The following DEPTOR variants were observed in gnomAD, a reference collection of about 807,000 sequenced individuals.
DEPTOR encodes DEP domain-containing mTOR-interacting protein.
DEPTOR carries 41 observed loss-of-function variants against 41.6 expected under a neutral mutation model. The ratio of observed to expected loss-of-function variants is 0.98; its 90% confidence interval spans 0.77 to 1.28. The LOEUF (loss-of-function observed/expected upper bound fraction) is 1.28, where lower values mean the gene tolerates loss of function less well. Ranked by LOEUF, DEPTOR falls within the 50% of genes most tolerant of loss-of-function variation. DEPTOR has a pLI of 0.00. For synonymous variants in DEPTOR, 195 were observed against 192.3 expected, an observed-to-expected ratio of 1.01 and a Z score of -0.12; for missense variants, 514 against 527.9, an observed-to-expected ratio of 0.97 and a Z score of 0.26.
chr8:119,965,043 A>C (rs1828539127), intron 3 of DEPTOR, among the ~76,000 whole-genome samples, 189 bp from the exon 4 acceptor site: 1 of 152,168 alleles, frequency 6.6e-6, no homozygotes, highest in Non-Finnish European at 1.5e-5. Flanking sequence ...ATTGCACTCC[A>C]GCCTGGGCAA....
intron 8 of DEPTOR, among the ~76,000 whole-genome samples, chr8:120,022,396 A>G (rs567442472): frequency 3.3e-5 from 5 of 152,244 alleles, no homozygotes; most frequent in African/African-American, 9.6e-5. Context: ...AAGCAGATAC[A>G]TGGAAATTTT....
At chr8:119,955,436 G>T (rs1453566220) in intron 3 of DEPTOR, among the ~76,000 whole-genome samples, 3 of 151,530 alleles carry the variant, frequency 2.0e-5, no homozygotes, top group African/African-American at 7.3e-5. Flanking sequence ...TTAATGTTTA[G>T]TTCCATAATC....
At chr8:119,924,743 A>G (rs2129835168) in intron 1 of DEPTOR, among the ~76,000 whole-genome samples, 1 of 151,574 alleles carries the variant, frequency 6.6e-6, no homozygotes, top group East Asian at 1.9e-4. Flanking sequence ...TTTCTTTCCA[A>G]CTTTTATTTT....
At chr8:119,933,637 G>A (rs1461434921) in intron 3 of DEPTOR, among the ~76,000 whole-genome samples, 1 of 152,118 alleles carries the variant, frequency 6.6e-6, no homozygotes, top group Non-Finnish European at 1.5e-5. Flanking sequence ...ATGCATTTAA[G>A]TAATTTATAT....
intron 8 of DEPTOR, among the ~76,000 whole-genome samples, chr8:120,027,984 G>C (rs1812824451): frequency 6.6e-6 from 1 of 152,140 alleles, no homozygotes; most frequent in Non-Finnish European, 1.5e-5. Flanking sequence ...GTGGAGCTTA[G>C]AGACAGCCTA....
chr8:119,891,566 C>T (rs868431148), intron 1 of DEPTOR, among the ~76,000 whole-genome samples: 61 of 151,982 alleles, frequency 4.0e-4, no homozygotes, highest in African/African-American at 1.5e-3. Context: ...ACCTCCTCAC[C>T]GTGAGGACGG....
chr8:120,034,699 C>T (rs993564141), intron 8 of DEPTOR, among the ~76,000 whole-genome samples: 1 of 152,060 alleles, frequency 6.6e-6, no homozygotes, highest in Non-Finnish European at 1.5e-5. Flanking sequence ...ATCCACCCAC[C>T]TCAGCCTCCC....
intron 8 of DEPTOR, among the ~76,000 whole-genome samples, chr8:120,033,081 CTTTTTTTTTTTT>C (rs35161313): frequency 1.0e-5 from 1 of 98,982 alleles, no homozygotes; most frequent in African/African-American, 3.9e-5. Context: ...ATATGGAATT[CTTTTTTTTTTTT>C]TTTTTTTTTT....
intron 8 of DEPTOR, among the ~76,000 whole-genome samples, chr8:120,029,858 A>G (rs1192528109): frequency 6.6e-6 from 1 of 152,072 alleles, no homozygotes; most frequent in African/African-American, 2.4e-5. Flanking sequence ...TACTCTTGGG[A>G]TGGAGAGAGT....
chr8:119,873,796 CA>C lies in DEPTOR; in HGVS notation c.-48del, dbSNP rs772521874. 8.7e-6 allele frequency: 14 copies of C among 1,604,220 alleles called. No individual in the cohort carries two copies. Among genetic ancestry groups the C allele is most frequent in the Admixed American group, 6.8e-5 (4 of 59,108 alleles). On this transcript the variant is annotated 5_prime_UTR_variant, in exon 1 of 9. Transcript: ENST00000286234. ...GTGAGGGCAGACTGATCCGAGCACC[CA>C]AACCCTCGGCGGACAGCGGAGCCAG...
At chr8:119,877,631 G>A (rs1005762108) in intron 1 of DEPTOR, among the ~76,000 whole-genome samples, 1 of 152,190 alleles carries the variant, frequency 6.6e-6, no homozygotes, top group African/African-American at 2.4e-5. Context: ...CAAGGACTGG[G>A]ATTTGAAATA....
chr8:119,881,223 G>A (rs940319976), intron 1 of DEPTOR, among the ~76,000 whole-genome samples: 2 of 152,106 alleles, frequency 1.3e-5, no homozygotes, highest in African/African-American at 4.8e-5. Context: ...GCAGTTTTCA[G>A]AAAAAAGGTA....
At chr8:119,956,261 G>T (rs76457683) in intron 3 of DEPTOR, among the ~76,000 whole-genome samples, 2,217 of 152,258 alleles carry the variant, frequency 0.015, 57 homozygotes, top group African/African-American at 0.051. Context: ...AAAATCCCAC[G>T]AAAGGCGTGG....
chr8:119,993,272 G>C (rs2130058139), intron 4 of DEPTOR, among the ~76,000 whole-genome samples: 1 of 152,300 alleles, frequency 6.6e-6, no homozygotes, highest in African/African-American at 2.4e-5. Context: ...TGACCAAATA[G>C]TGAATTGAGT....
At chr8:119,917,400 T>C (rs963307358) in intron 1 of DEPTOR, among the ~76,000 whole-genome samples, 1 of 152,116 alleles carries the variant, frequency 6.6e-6, no homozygotes, top group Non-Finnish European at 1.5e-5. Context: ...GGGACTCCAT[T>C]TTGTTCTGTA....
At chr8:120,041,705 T>C (rs569150370) in intron 8 of DEPTOR, among the ~76,000 whole-genome samples, 1 of 152,088 alleles carries the variant, frequency 6.6e-6, no homozygotes, top group East Asian at 1.9e-4. Context: ...GCCCAGCTGA[T>C]TTTTGTATTT....
At chr8:119,889,666 G>A (rs1327476854) in intron 1 of DEPTOR, among the ~76,000 whole-genome samples, 1 of 108,862 alleles carries the variant, frequency 9.2e-6, no homozygotes, top group Non-Finnish European at 2.0e-5. Context: ...GAGGGGAGGG[G>A]AGGGGAGAGG....
rs951993248 is a variant in DEPTOR at position 120,032,734 on chromosome 8, A to T, written c.1102-16842A>T. On this transcript the variant is annotated intron_variant, in intron 8 of 8. Transcript: ENST00000286234. ...CGTCTACCTCTCACTACATTTAACC[A>T]TAACAGCCACGAGTGAACAGCCATG... Among the ~76,000 whole-genome samples, 3 of 152,200 alleles carry T rather than the reference A, an allele frequency of 2.0e-5. No individual in the cohort carries two copies. In the South Asian group the frequency reaches 6.2e-4, roughly 32 times the overall value.
intron 1 of DEPTOR, among the ~76,000 whole-genome samples, chr8:119,894,970 G>A (rs1455525457): frequency 6.6e-6 from 1 of 152,132 alleles, no homozygotes; most frequent in Admixed American, 6.6e-5. Flanking sequence ...TTTGGGAATC[G>A]AATCTGTGTG....
Sources: allele counts gnomAD v4.1 joint callset (sites outside exome capture counted in the v4.1 genomes callset), GRCh38; gene constraint gnomAD v4.1.1; transcripts MANE v1.5; gene names NCBI Gene and HGNC (gene_info 2026-07-23, HGNC 2026-07-21).